Variants in SLC35F3 observed in about 807,000 individuals in gnomAD.
SLC35F3 encodes putative thiamine transporter SLC35F3.
Under a neutral mutation model 49.9 loss-of-function variants are expected in SLC35F3, and 25 were observed. That is an observed-to-expected ratio of 0.50 (90% CI 0.37 to 0.70). SLC35F3 has a LOEUF of 0.70. SLC35F3 is among the 30% of genes least tolerant of loss of function. SLC35F3 has a pLI of 0.00. For synonymous variants in SLC35F3, 275 were observed against 265.4 expected, an observed-to-expected ratio of 1.04 and a Z score of -0.35; for missense variants, 525 against 639.8, an observed-to-expected ratio of 0.82 and a Z score of 1.94.
intron 2 of SLC35F3, among the ~76,000 whole-genome samples, chr1:233,964,528 G>T (rs1387554950): frequency 6.6e-6 from 1 of 152,206 alleles, no homozygotes; most frequent in African/African-American, 2.4e-5. Flanking sequence ...GTTAAATATG[G>T]AGCAAGATGG....
chr1:234,263,187 G>A (rs1572122265), intron 3 of SLC35F3, among the ~76,000 whole-genome samples: 1 of 152,170 alleles, frequency 6.6e-6, no homozygotes, highest in East Asian at 1.9e-4. Flanking sequence ...GAAAGGGAGA[G>A]ACTAACAGAA....
chr1:234,069,067 TATATTATATGCAATATA>T (rs1433310939), intron 2 of SLC35F3, among the ~76,000 whole-genome samples: 10 of 92,822 alleles, frequency 1.1e-4, no homozygotes, highest in Non-Finnish European at 2.0e-5. Context: ...TATTATAATA[TATATTATATGCAATATA>T]TATTATATAT....
chr1:234,239,271 GAGA>G (rs1237681170), intron 3 of SLC35F3, among the ~76,000 whole-genome samples: 1 of 152,206 alleles, frequency 6.6e-6, no homozygotes, highest in Non-Finnish European at 1.5e-5. Context: ...CGGGTCAGAT[GAGA>G]AGGAGGGCCC....
At chr1:233,928,095 T>C (rs1477342670) in intron 2 of SLC35F3, among the ~76,000 whole-genome samples, 2 of 152,164 alleles carry the variant, frequency 1.3e-5, no homozygotes, top group African/African-American at 4.8e-5. Flanking sequence ...TTCCCTGTTC[T>C]TGGCACTGTA....
chr1:234,206,364 C>A (rs956528554), intron 2 of SLC35F3, among the ~76,000 whole-genome samples: 1 of 151,676 alleles, frequency 6.6e-6, no homozygotes, highest in Non-Finnish European at 1.5e-5. Context: ...GGATGAGGGA[C>A]AGTGTGAGGA....
chr1:234,078,113 T>G (rs1291997934), intron 2 of SLC35F3, among the ~76,000 whole-genome samples: 1 of 152,228 alleles, frequency 6.6e-6, no homozygotes, highest in Non-Finnish European at 1.5e-5. Context: ...TCAACAAGTC[T>G]TGTGGCCTCC....
chr1:234,142,392 C>T (rs528196793), intron 2 of SLC35F3, among the ~76,000 whole-genome samples: 29 of 152,294 alleles, frequency 1.9e-4, no homozygotes, highest in Non-Finnish European at 3.7e-4. Context: ...CTCATGCCCA[C>T]GGCCCTGAGC....
intron 2 of SLC35F3, among the ~76,000 whole-genome samples, chr1:234,165,013 T>A (rs1273969355): frequency 6.6e-6 from 1 of 150,984 alleles, no homozygotes; most frequent in Non-Finnish European, 1.5e-5. Flanking sequence ...GTTGATTTCA[T>A]GGTCAGCTTA....
intron 6 of SLC35F3, among the ~76,000 whole-genome samples, chr1:234,319,895 G>A (rs966747663): frequency 3.9e-5 from 6 of 152,006 alleles, no homozygotes; most frequent in African/African-American, 1.2e-4. Flanking sequence ...GGAACAGAGG[G>A]GCTGAGTACT....
At chr1:234,241,053 AAGG>A (rs1198494731) in intron 3 of SLC35F3, among the ~76,000 whole-genome samples, 1 of 152,256 alleles carries the variant, frequency 6.6e-6, no homozygotes, top group African/African-American at 2.4e-5. Context: ...TAAAAGCAAA[AAGG>A]AGAAAACATG....
At chr1:234,278,644 C>T (rs1042055835) in intron 3 of SLC35F3, among the ~76,000 whole-genome samples, 1 of 152,166 alleles carries the variant, frequency 6.6e-6, no homozygotes, top group Non-Finnish European at 1.5e-5. Flanking sequence ...GTGGCTTTGA[C>T]AACAAATATG....
At chr1:233,985,863 G>A (rs1231300136) in intron 2 of SLC35F3, among the ~76,000 whole-genome samples, 1 of 152,210 alleles carries the variant, frequency 6.6e-6, no homozygotes, top group Non-Finnish European at 1.5e-5. Context: ...TCCTGCAGAG[G>A]TTGATGAACT....
At chr1:233,947,764 G>C (rs1321920685) in intron 2 of SLC35F3, among the ~76,000 whole-genome samples, 2 of 149,380 alleles carry the variant, frequency 1.3e-5, no homozygotes, top group Admixed American at 6.7e-5. Context: ...GAGAGAGAGA[G>C]AGAGAGAAGA....
intron 2 of SLC35F3, among the ~76,000 whole-genome samples, chr1:234,028,612 A>G (rs1664012254): frequency 6.6e-6 from 1 of 152,208 alleles, no homozygotes; most frequent in East Asian, 1.9e-4. Flanking sequence ...TGTTTTAAGA[A>G]AAGAAAGTCG....
At chr1:234,266,873 G>GTTTTTTTTTTTTT (rs34040004) in intron 3 of SLC35F3, among the ~76,000 whole-genome samples, 4 of 108,636 alleles carry the variant, frequency 3.7e-5, no homozygotes, top group African/African-American at 3.5e-5. Flanking sequence ...GAAGCACATG[G>GTTTTTTTTTTTTT]TTTTTTTTTT....
intron 2 of SLC35F3, among the ~76,000 whole-genome samples, chr1:234,136,630 C>T (rs541576243): frequency 2.2e-4 from 33 of 152,360 alleles, no homozygotes; most frequent in African/African-American, 7.5e-4. Flanking sequence ...TTTCTCAGCA[C>T]ATAGGCAACT....
In SLC35F3 at chr1:234,226,424, C is replaced by A. The variant is rs537815436; in HGVS notation, c.284-4993C>A. Among the ~76,000 whole-genome samples, 50 of 151,774 alleles carry A rather than the reference C, an allele frequency of 3.3e-4. 1 individual carries two copies. Among genetic ancestry groups the A allele is most frequent in the Non-Finnish European group, 6.6e-4 (45 of 67,952 alleles). Reference sequence around the variant, plus strand: ...AGGACTCAACAAGGGTCCACTTATTCTCGGGGAAGCTCATAAAAGAAACAT... The same window carrying A: ...AGGACTCAACAAGGGTCCACTTATTATCGGGGAAGCTCATAAAAGAAACAT... On this transcript the variant is annotated intron_variant, in intron 2 of 7. Transcript: ENST00000366618.
chr1:234,232,408 T>C (rs1443897415), intron 3 of SLC35F3, among the ~76,000 whole-genome samples: 1 of 149,080 alleles, frequency 6.7e-6, no homozygotes, highest in African/African-American at 2.5e-5. Context: ...GGAGTCACAC[T>C]GTAGGTGTTG....
At chr1:234,161,368 A>G (rs1024432278) in intron 2 of SLC35F3, among the ~76,000 whole-genome samples, 8 of 152,064 alleles carry the variant, frequency 5.3e-5, no homozygotes, top group Non-Finnish European at 1.2e-4. Flanking sequence ...GTCTTTCTGC[A>G]GAGGTTGATG....
Sources: gnomAD v4.1 joint callset for allele counts (sites outside exome capture counted in the v4.1 genomes callset) on GRCh38, gnomAD v4.1.1 for gene constraint, MANE v1.5 for transcripts, NCBI Gene and HGNC (gene_info 2026-07-23, HGNC 2026-07-21) for gene names.